Variants in SNX25 observed in about 807,000 individuals in gnomAD.
SNX25 encodes the protein sorting nexin-25.
A neutral mutation model predicts 113.7 loss-of-function variants in SNX25; 62 were observed. The observed-to-expected ratio is 0.55, with a 90% CI of 0.44 to 0.67. SNX25 has a LOEUF of 0.67. SNX25 is among the 30% of genes least tolerant of loss of function. The pLI, the probability that SNX25 is intolerant of heterozygous loss-of-function variation, is 0.00. For synonymous variants in SNX25, 421 were observed against 436.2 expected (o/e 0.97, Z 0.43); for missense variants, 1,014 against 1,161.0 (o/e 0.87, Z 1.84).
At position 185,240,142 on chromosome 4, in the gene SNX25, A is replaced by C. The variant is rs561960455; in HGVS notation, c.430-7152A>C. Among the ~76,000 whole-genome samples, 346 of 152,048 alleles carry C rather than the reference A, an allele frequency of 2.3e-3. 2 individuals are homozygous for C. The highest frequency in any genetic ancestry group is 7.5e-3 in the African/African-American group (309 of 41,448). On this transcript the variant is annotated intron_variant, in intron 1 of 18. Transcript: ENST00000652585. Reference sequence around the variant, plus strand: ...AGAATTTTTCTTAGTACAGAACAAAATGAAAAGTCTCCCATGTCTACCTCT... The same window carrying C: ...AGAATTTTTCTTAGTACAGAACAAACTGAAAAGTCTCCCATGTCTACCTCT...
chr4:185,263,891 T>C (rs966411089), intron 3 of SNX25, among the ~76,000 whole-genome samples: 8 of 152,218 alleles, frequency 5.3e-5, no homozygotes, highest in East Asian at 1.9e-4. Context: ...TACAGGGAAG[T>C]GCACAACCAA....
chr4:185,377,620 C>T, the SNX25 span: 3 of 166,718 alleles, frequency 1.8e-5, no homozygotes, highest in African/African-American at 7.2e-5. Context: ...GGGTATAAGT[C>T]TATGCATTGG....
At chr4:185,286,657 G>A (rs1751393038) in intron 5 of SNX25, among the ~76,000 whole-genome samples, 1 of 152,150 alleles carries the variant, frequency 6.6e-6, no homozygotes, top group Admixed American at 6.5e-5. Context: ...TTTTAGCTGG[G>A]TATGTCACTT....
At chr4:185,332,300 C>T (rs1579820659) in intron 9 of SNX25, among the ~76,000 whole-genome samples, 1 of 152,066 alleles carries the variant, frequency 6.6e-6, no homozygotes, top group Admixed American at 6.6e-5. Flanking sequence ...ACTGAGTTGC[C>T]GTCCCTTGTT....
Position 185,252,339 on chromosome 4 carries a change from G to A in SNX25, c.514+4961G>A, listed in dbSNP as rs191809432. Among the ~76,000 whole-genome samples the A allele has an allele frequency of 3.2e-4, 49 of 152,138 alleles. No homozygotes were observed. The East Asian group carries it at 8.3e-3, about 26-fold the overall frequency. Reference sequence around the variant, plus strand: ...GGTTTGATTTACATTTCTAAACCCGGCACCAATATATTTAATTGGAATTCA... The same window carrying A: ...GGTTTGATTTACATTTCTAAACCCGACACCAATATATTTAATTGGAATTCA... On this transcript the variant is annotated intron_variant, in intron 2 of 18. Transcript: ENST00000652585.
chr4:185,211,689 CAATA>C (rs1737830884), intron 1 of SNX25, among the ~76,000 whole-genome samples: 1 of 152,056 alleles, frequency 6.6e-6, no homozygotes, highest in Non-Finnish European at 1.5e-5. Context: ...GGGGAGCAGG[CAATA>C]AATAAATACT....
chr4:185,351,522 G>A lies in SNX25; in HGVS notation c.2379G>A (p.Lys793=). ...AFLSPSPDYL[K]VIDVQGKKNS... is the part of the protein sequence containing the mutation. ...TGAGCCCTTCTCCTGACTACCTCAAGGTTATCGACGTGCAGGGGAAAAAAA... is the reference window on the plus strand; with the variant it reads ...TGAGCCCTTCTCCTGACTACCTCAAAGTTATCGACGTGCAGGGGAAAAAAA... The change falls in exon 14 of 19, where the codon AAG becomes AAA. Residue 793 remains lysine (K), a synonymous_variant. Coordinates refer to ENST00000652585, the MANE Select transcript of SNX25 (RefSeq NM_001378034.2). The A allele has an allele frequency of 1.2e-6, 2 of 1,614,126 alleles. No individual in the cohort carries two copies. Among genetic ancestry groups the A allele is most frequent in the Non-Finnish European group, 1.7e-6 (2 of 1,180,016 alleles).
At chr4:185,206,492 C>CT (rs34826264), upstream of SNX25, among the ~76,000 whole-genome samples, 120,249 of 151,350 alleles carry the variant, frequency 0.79, 48,188 homozygotes, top group African/African-American at 0.92. Flanking sequence ...AACCCCATCT[C>CT]ACTAAAAATA....
At chr4:185,294,926 C>T (rs896839429) in intron 6 of SNX25, among the ~76,000 whole-genome samples, 19 of 151,962 alleles carry the variant, frequency 1.3e-4, no homozygotes, top group Non-Finnish European at 2.8e-4. Context: ...CAGGAAGTCG[C>T]TCTTGTATTT....
Position 185,209,813 on chromosome 4 carries a change from G to C in SNX25, c.-14G>C. On this transcript the variant is annotated 5_prime_UTR_variant, in exon 1 of 19. Coordinates refer to ENST00000652585, the MANE Select transcript of SNX25 (RefSeq NM_001378034.2). This position sits in a 1 kb window ranked among gnomAD's most constrained non-coding sequence, Gnocchi z 5.2. ...GCAGGAGATGTGCCTGTCCTTAGCG[G>C]CCCAGGAAGCAGCATGCACCCCGAT... 2.0e-6 allele frequency: 2 copies of C among 983,830 alleles called. No individual in the cohort carries two copies. Among genetic ancestry groups the C allele is most frequent in the Non-Finnish European group, 2.4e-6 (2 of 829,356 alleles). The allele number at this position is 983,830 out of a possible 1,614,324, so 60.9% of individuals were successfully genotyped here. A position where few individuals can be genotyped will look rare whatever the true frequency, so the allele number is the denominator to read the frequency against.
At chr4:185,355,732 T>G (rs1579915004) in intron 15 of SNX25, among the ~76,000 whole-genome samples, 1 of 152,370 alleles carries the variant, frequency 6.6e-6, no homozygotes, top group East Asian at 1.9e-4. Context: ...ATGTTTAACT[T>G]GATTCAATAT....
chr4:185,374,230 T>A (rs187773900), downstream of SNX25: 4 of 1,614,088 alleles, frequency 2.5e-6, no homozygotes, highest in Admixed American at 6.7e-5. Context: ...TCTGCTGCGA[T>A]AAGCCACAGT....
At chr4:185,367,300 C>G, downstream of SNX25, 1 of 1,336,602 alleles carries the variant, frequency 7.5e-7, no homozygotes, top group Non-Finnish European at 1.0e-6. Context: ...TTGGGTCTTT[C>G]TTCTTTTTTT....
chr4:185,256,196 T>C (rs940716058), intron 2 of SNX25, among the ~76,000 whole-genome samples: 4 of 152,212 alleles, frequency 2.6e-5, no homozygotes, highest in African/African-American at 9.6e-5. Context: ...AAGATTGAGA[T>C]AGATCTTTTT....
intron 1 of SNX25, among the ~76,000 whole-genome samples, chr4:185,224,068 G>T (rs1031337292): frequency 3.3e-5 from 5 of 151,940 alleles, no homozygotes; most frequent in Non-Finnish European, 5.9e-5. Context: ...ATATTATTAT[G>T]AATTCTGGGC....
At chr4:185,281,429 A>G (rs889242078) in intron 5 of SNX25, among the ~76,000 whole-genome samples, 1 of 152,212 alleles carries the variant, frequency 6.6e-6, no homozygotes, top group Non-Finnish European at 1.5e-5. Flanking sequence ...ACTCTTTTCT[A>G]TAAATGATGA....
At chr4:185,304,113 C>T (rs1202124491) in intron 6 of SNX25, among the ~76,000 whole-genome samples, 1 of 152,090 alleles carries the variant, frequency 6.6e-6, no homozygotes, top group Admixed American at 6.6e-5. Context: ...TTTCTTGAAC[C>T]CTTCCATCAA....
chr4:185,207,911 A>C (rs926396128), upstream of SNX25: 14 of 152,226 alleles, frequency 9.2e-5, no homozygotes, highest in African/African-American at 3.1e-4. Context: ...TAAATTTATC[A>C]TAAAGAATTC....
intron 5 of SNX25, 78 bp downstream of exon 5, chr4:185,267,233 A>G (rs1230319557): frequency 1.6e-6 from 2 of 1,257,260 alleles, no homozygotes; most frequent in Non-Finnish European, 2.2e-6. Flanking sequence ...AAAAAAAAAA[A>G]GTAGTTGTCA....
Sources: allele counts gnomAD v4.1 joint callset (sites outside exome capture counted in the v4.1 genomes callset), GRCh38; gene constraint gnomAD v4.1.1; non-coding constraint Gnocchi (gnomAD v3.1); transcripts MANE v1.5; gene names NCBI Gene and HGNC (gene_info 2026-07-23, HGNC 2026-07-21).